The following ZNF568 variants were observed in gnomAD, a reference collection of about 807,000 sequenced individuals.
ZNF568 encodes the protein p53 inhibitor of SCO2 activation.
ZNF568 carries 11 observed loss-of-function variants against 18.1 expected under a neutral mutation model. The observed-to-expected ratio is 0.61, with a 90% CI of 0.38 to 1.00. The LOEUF is 1.00. ZNF568 is among the 50% of genes least tolerant of loss of function. The pLI is 0.01. For missense variants in ZNF568, 639 were observed against 768.2 expected (o/e 0.83, Z 1.99); for synonymous variants, 213 against 246.6 (o/e 0.86, Z 1.28).
chr19:36,954,944 A>T (rs987404136), downstream of ZNF568, among the ~76,000 whole-genome samples: 26 of 151,074 alleles, frequency 1.7e-4, no homozygotes, highest in East Asian at 3.7e-3. Flanking sequence ...CAGCAGCATG[A>T]TCTCGGTTCA....
intron 2 of ZNF568, among the ~76,000 whole-genome samples, chr19:36,921,481 G>A (rs2073454924): frequency 6.6e-6 from 1 of 151,730 alleles, no homozygotes; most frequent in Non-Finnish European, 1.5e-5. Context: ...AAGAAAGAAA[G>A]TGATCACTGT....
intron 4 of ZNF568, among the ~76,000 whole-genome samples, chr19:36,995,093 T>C (rs2074458602): frequency 6.6e-6 from 1 of 152,186 alleles, no homozygotes; most frequent in African/African-American, 2.4e-5. Context: ...ATTTGTGTCC[T>C]TGAATCTAAA....
At chr19:36,955,141 G>A (rs886660731), downstream of ZNF568, among the ~76,000 whole-genome samples, 14 of 151,798 alleles carry the variant, frequency 9.2e-5, no homozygotes, top group African/African-American at 3.4e-4. Context: ...TTAAAAAATG[G>A]TTTTCGCATT....
chr19:36,926,035 A>G (rs1040664332), intron 4 of ZNF568, among the ~76,000 whole-genome samples: 2 of 152,214 alleles, frequency 1.3e-5, no homozygotes, highest in African/African-American at 4.8e-5. Flanking sequence ...ATTACCTGGA[A>G]GAGTAAGTGG....
intron 6 of ZNF568, among the ~76,000 whole-genome samples, chr19:36,948,836 A>G (rs2074010387): frequency 6.6e-6 from 1 of 151,950 alleles, no homozygotes; most frequent in African/African-American, 2.4e-5. Context: ...AATGCGAGGG[A>G]ACATCCTTGC....
intron 6 of ZNF568, among the ~76,000 whole-genome samples, chr19:36,964,784 G>A (rs911953471): frequency 6.6e-6 from 1 of 152,052 alleles, no homozygotes; most frequent in African/African-American, 2.4e-5. Flanking sequence ...CTCCAGCCTT[G>A]GCAACAGAAT....
intron 4 of ZNF568, among the ~76,000 whole-genome samples, chr19:36,928,676 T>G (rs546046375): frequency 1.3e-5 from 2 of 152,264 alleles, no homozygotes; most frequent in African/African-American, 4.8e-5. Flanking sequence ...GATTGAAATA[T>G]GGACACAAAA....
intron 4 of ZNF568, among the ~76,000 whole-genome samples, chr19:36,932,078 A>G (rs1474670820): frequency 6.6e-6 from 1 of 152,196 alleles, no homozygotes; most frequent in East Asian, 1.9e-4. Flanking sequence ...TTTATTTCTG[A>G]ATAATATTCT....
intron 6 of ZNF568, among the ~76,000 whole-genome samples, chr19:36,946,084 A>C (rs999269487): frequency 1.8e-4 from 27 of 151,694 alleles, no homozygotes; most frequent in African/African-American, 5.8e-4. Context: ...ACAGAGTGAG[A>C]CTCTGTCTCA....
chr19:36,991,367 T>C (rs763083050), intron 3 of ZNF568: 28 of 1,445,468 alleles, frequency 1.9e-5, no homozygotes, highest in Non-Finnish European at 2.4e-5. Context: ...CTGGAATTCT[T>C]ATGTTCTTTT....
intron 7 of ZNF568, chr19:36,976,498 G>A (rs2074286288): frequency 1.3e-5 from 2 of 151,616 alleles, no homozygotes; most frequent in South Asian, 4.2e-4. Context: ...TTCTTTCCTA[G>A]TATATAAAGT....
chr19:36,982,420 C>A (rs1053062043), downstream of ZNF568, among the ~76,000 whole-genome samples: 1 of 152,066 alleles, frequency 6.6e-6, no homozygotes, highest in African/African-American at 2.4e-5. Context: ...ATTGATTGGT[C>A]AGGTGTGGTG....
intron 4 of ZNF568, among the ~76,000 whole-genome samples, chr19:36,929,684 C>CA (rs35496094): frequency 0.013 from 1,445 of 114,514 alleles, 26 homozygotes; most frequent in East Asian, 0.07. Context: ...GACTCCGTCT[C>CA]AAAAAAAAAA....
chr19:36,961,214 T>G (rs924661762), intron 6 of ZNF568, among the ~76,000 whole-genome samples: 1 of 152,098 alleles, frequency 6.6e-6, no homozygotes, highest in Admixed American at 6.6e-5. Flanking sequence ...GCATATATAT[T>G]TAGAATTGTT....
intron 2 of ZNF568, among the ~76,000 whole-genome samples, chr19:36,918,355 C>G (rs1309708070): frequency 6.6e-6 from 1 of 152,164 alleles, no homozygotes; most frequent in East Asian, 1.9e-4. Context: ...TACCAGAATC[C>G]ACAGATGCTC....
At chr19:36,997,168 C>A (rs2074483459) in exon 5 of ZNF568, 1 of 1,593,760 alleles carries the variant, frequency 6.3e-7, no homozygotes, top group Non-Finnish European at 8.5e-7. Context: ...TTGTGCCTCA[C>A]AGCTGAGTCT....
chr19:36,983,414 TC>T (rs1318911091), downstream of ZNF568, among the ~76,000 whole-genome samples: 1 of 152,234 alleles, frequency 6.6e-6, no homozygotes, highest in African/African-American at 2.4e-5. Flanking sequence ...ACCCGCATCC[TC>T]CCCCCGCCCA....
intron 4 of ZNF568, among the ~76,000 whole-genome samples, chr19:36,930,630 A>G (rs1024648180): frequency 1.3e-5 from 2 of 152,090 alleles, no homozygotes; most frequent in African/African-American, 2.4e-5. Flanking sequence ...GTTTTCCCCT[A>G]TCTTTGTTGT....
At chr19:36,988,545 C>T (rs919198835) in intron 2 of ZNF568, among the ~76,000 whole-genome samples, 1 of 152,088 alleles carries the variant, frequency 6.6e-6, no homozygotes, top group Admixed American at 6.6e-5. Flanking sequence ...AGCCAGATCT[C>T]GTCAGAACTT....
Sources: gnomAD v4.1 joint callset for allele counts (sites outside exome capture counted in the v4.1 genomes callset) on GRCh38, gnomAD v4.1.1 for gene constraint, MANE v1.5 for transcripts, NCBI Gene and HGNC (gene_info 2026-07-23, HGNC 2026-07-21) for gene names.